The following EEFSEC variants were observed in gnomAD, a reference collection of about 807,000 sequenced individuals.
EEFSEC encodes the protein selenocysteine-specific elongation factor.
Under a neutral mutation model 42.1 loss-of-function variants are expected in EEFSEC, and 43 were observed. That is an observed-to-expected ratio of 1.02 (90% CI 0.80 to 1.32). EEFSEC has a LOEUF of 1.32. Among genes scored for constraint, EEFSEC ranks in the 40% most tolerant of loss-of-function variants. The pLI is 0.00. For missense variants in EEFSEC, 745 were observed against 803.6 expected (o/e 0.93, Z 0.88); for synonymous variants, 354 against 339.1 (o/e 1.04, Z -0.48).
In EEFSEC at chr3:128,408,389, A is replaced by C; in HGVS notation, c.*130A>C. 13 of 1,014,924 alleles carry C rather than the reference A, an allele frequency of 1.3e-5. No homozygotes were observed. The highest frequency in any genetic ancestry group is 1.8e-5 in the South Asian group (1 of 56,000). 62.9% of individuals were successfully genotyped at this position (1,014,924 alleles called of 1,614,324 possible). A position where few individuals can be genotyped will look rare whatever the true frequency, so the allele number is the denominator to read the frequency against. ...TCCTGCAGCAGCAGCCCCCACCCCC[A>C]AGCTTGGTGCTGAGCCCTGGTGAGG... On this transcript the variant is annotated 3_prime_UTR_variant, in exon 7 of 7. Coordinates refer to ENST00000254730, the MANE Select transcript of EEFSEC (RefSeq NM_021937.5).
At position 128,321,352 on chromosome 3, in the gene EEFSEC, C is replaced by T. The variant is rs188934416; in HGVS notation, c.787-19881C>T. On this transcript the variant is annotated intron_variant, in intron 4 of 6. Transcript: ENST00000254730. ...TTCTGAGAGGGAAGAAGAGCTGCCC[C>T]AGCTGCTGCCAAGTTCTGCCTCCAT... Among the ~76,000 whole-genome samples, 511 of 152,268 alleles carry T rather than the reference C, an allele frequency of 3.4e-3. 1 individual carries two copies. Among genetic ancestry groups the T allele is most frequent in the African/African-American group, 0.011 (476 of 41,544 alleles).
chr3:128,364,904 G>C (rs2067570760), intron 6 of EEFSEC, among the ~76,000 whole-genome samples: 1 of 152,244 alleles, frequency 6.6e-6, no homozygotes, highest in African/African-American at 2.4e-5. Flanking sequence ...GCTAGTAAGT[G>C]AATGGGCCAG....
intron 1 of EEFSEC, among the ~76,000 whole-genome samples, chr3:128,155,667 T>C (rs1944366942): frequency 6.6e-6 from 1 of 152,192 alleles, no homozygotes; most frequent in Non-Finnish European, 1.5e-5. Flanking sequence ...GGAATATATA[T>C]TGGGCAGATG....
chr3:128,261,010 CA>C (rs1377105681), intron 2 of EEFSEC, among the ~76,000 whole-genome samples: 1 of 150,548 alleles, frequency 6.6e-6, no homozygotes, highest in Non-Finnish European at 1.5e-5. Context: ...ATGTTTATCA[CA>C]GTGTAATTTA....
At chr3:128,250,927 T>C (rs954191488) in intron 2 of EEFSEC, among the ~76,000 whole-genome samples, 1 of 150,760 alleles carries the variant, frequency 6.6e-6, no homozygotes, top group African/African-American at 2.4e-5. Flanking sequence ...TTTTTTTTTT[T>C]TTAGCAATGT....
intron 4 of EEFSEC, among the ~76,000 whole-genome samples, chr3:128,340,715 G>T (rs1003077204): frequency 2.0e-5 from 3 of 152,238 alleles, no homozygotes; most frequent in African/African-American, 7.2e-5. Flanking sequence ...TCAGGGTCAA[G>T]TTCTGCCACT....
chr3:128,230,253 C>T (rs1284450297), intron 1 of EEFSEC, among the ~76,000 whole-genome samples: 1 of 152,060 alleles, frequency 6.6e-6, no homozygotes, highest in Non-Finnish European at 1.5e-5. Flanking sequence ...CTGAAGCCAT[C>T]CTCTCCTTCA....
chr3:128,381,712 G>T (rs988405793), intron 6 of EEFSEC, among the ~76,000 whole-genome samples: 10 of 152,194 alleles, frequency 6.6e-5, no homozygotes, highest in Non-Finnish European at 1.3e-4. Flanking sequence ...GTGCCGTGGA[G>T]GAAGAGGGCA....
chr3:128,200,011 G>A (rs1193525061), intron 1 of EEFSEC, among the ~76,000 whole-genome samples: 1 of 152,170 alleles, frequency 6.6e-6, no homozygotes, highest in Non-Finnish European at 1.5e-5. Flanking sequence ...TGGGATTACA[G>A]GCGTGAGCCA....
At chr3:128,207,914 T>C (rs2065715759) in intron 1 of EEFSEC, among the ~76,000 whole-genome samples, 1 of 152,220 alleles carries the variant, frequency 6.6e-6, no homozygotes, top group Non-Finnish European at 1.5e-5. Flanking sequence ...GCTTATTGTC[T>C]GTGGCACCCC....
intron 1 of EEFSEC, among the ~76,000 whole-genome samples, chr3:128,228,401 T>C (rs1184474899): frequency 2.6e-5 from 4 of 152,094 alleles, no homozygotes; most frequent in Non-Finnish European, 5.9e-5. Flanking sequence ...GGAAGAATGC[T>C]CCAGGCACAT....
the EEFSEC span, among the ~76,000 whole-genome samples, chr3:128,418,192 AC>A: frequency 6.6e-6 from 1 of 150,926 alleles, no homozygotes; most frequent in Non-Finnish European, 1.5e-5. Context: ...CTCCCTCAGC[AC>A]CCCCTCCTCA....
At chr3:128,372,927 G>GTGTTTGT (rs1354656415) in intron 6 of EEFSEC, among the ~76,000 whole-genome samples, 2 of 152,236 alleles carry the variant, frequency 1.3e-5, no homozygotes, top group Non-Finnish European at 2.9e-5. Flanking sequence ...TGCTGCTGTA[G>GTGTTTGT]ATGTCACTTC....
At chr3:128,211,437 A>G (rs1203168205) in intron 1 of EEFSEC, among the ~76,000 whole-genome samples, 1 of 152,148 alleles carries the variant, frequency 6.6e-6, no homozygotes, top group East Asian at 1.9e-4. Context: ...GCTGTTATGA[A>G]TATGAGGTAT....
chr3:128,356,959 A>G (rs1209103321), intron 5 of EEFSEC, among the ~76,000 whole-genome samples: 1 of 152,246 alleles, frequency 6.6e-6, no homozygotes, highest in Non-Finnish European at 1.5e-5. Flanking sequence ...GCAGTGAGTG[A>G]CCTTGGGTGG....
At chr3:128,264,828 G>A (rs1473649159) in intron 4 of EEFSEC, 47 bp downstream of exon 4, 2 of 1,585,616 alleles carry the variant, frequency 1.3e-6, no homozygotes, top group South Asian at 2.3e-5. Context: ...CTGGCAGCAA[G>A]GGAGGGGGAC....
chr3:128,220,459 A>G (rs768053662), intron 1 of EEFSEC, among the ~76,000 whole-genome samples: 24 of 152,136 alleles, frequency 1.6e-4, no homozygotes, highest in Non-Finnish European at 1.5e-4. Flanking sequence ...CTTCACAGAG[A>G]GAGTCACAGG....
intron 1 of EEFSEC, among the ~76,000 whole-genome samples, chr3:128,160,217 A>G (rs2065166953): frequency 6.6e-6 from 1 of 152,248 alleles, no homozygotes; most frequent in South Asian, 2.1e-4. Context: ...CCCGGAAGAC[A>G]CTGCTGTGTA....
chr3:128,338,447 AAGT>A (rs2108071488), intron 4 of EEFSEC, among the ~76,000 whole-genome samples: 2 of 152,188 alleles, frequency 1.3e-5, no homozygotes, highest in East Asian at 3.9e-4. Flanking sequence ...CTGACCTGTA[AAGT>A]AGTGGTAACC....
Sources: allele counts gnomAD v4.1 joint callset (sites outside exome capture counted in the v4.1 genomes callset), GRCh38; gene constraint gnomAD v4.1.1; transcripts MANE v1.5; gene names NCBI Gene and HGNC (gene_info 2026-07-23, HGNC 2026-07-21).